Variants in HPCAL1 observed in about 807,000 individuals in gnomAD.
HPCAL1 encodes hippocalcin-like protein 1.
Under a neutral mutation model 17.1 loss-of-function variants are expected in HPCAL1, and 8 were observed. That is an observed-to-expected ratio of 0.47 (90% confidence interval 0.27 to 0.84). The LOEUF (loss-of-function observed/expected upper bound fraction) is 0.84, where lower values mean the gene tolerates loss of function less well. HPCAL1 is among the 40% of genes least tolerant of loss of function. The pLI is 0.13. For missense variants in HPCAL1, 165 were observed against 271.1 expected (o/e 0.61, Z 2.75); for synonymous variants, 112 against 111.4 (o/e 1.01, Z -0.03).
At chr2:10,401,169 C>T (rs1019680132) in intron 2 of HPCAL1, among the ~76,000 whole-genome samples, 7 of 152,146 alleles carry the variant, frequency 4.6e-5, no homozygotes, top group Non-Finnish European at 1.0e-4. Flanking sequence ...CAGCCAGGCT[C>T]CTCCCCACCC....
chr2:10,337,563 G>T (rs1448803158), intron 1 of HPCAL1, among the ~76,000 whole-genome samples: 3 of 152,106 alleles, frequency 2.0e-5, no homozygotes, highest in Admixed American at 6.6e-5. Flanking sequence ...CAGCCTCCCT[G>T]TGGGGTTGCA....
chr2:10,419,643 C>A lies in HPCAL1; in HGVS notation c.-24-91C>A. ...GAGTTGCTGAGTCGCAGCGCTTGCA[C>A]AGCGATGGGCTTATTTGGTCTCTCC... On this transcript the variant is annotated intron_variant, in intron 2 of 4. Coordinates refer to ENST00000307845, the MANE Select transcript of HPCAL1 (RefSeq NM_002149.4). The surrounding 1 kb of genome is among the most constrained non-coding windows in gnomAD (Gnocchi z 5.0). 1 of 1,296,226 alleles carries A rather than the reference C, an allele frequency of 7.7e-7. No homozygotes were observed. 80.3% of individuals were successfully genotyped at this position (1,296,226 alleles called of 1,614,324 possible).
In HPCAL1 at chr2:10,359,432, T is replaced by A. The variant is rs1045028786; in HGVS notation, c.-110-37403T>A. Among the ~76,000 whole-genome samples, 1 of 152,236 alleles carries A rather than the reference T, an allele frequency of 6.6e-6. No homozygotes were observed. Among genetic ancestry groups the A allele is most frequent in the East Asian group, 1.9e-4 (1 of 5,198 alleles). On this transcript the variant is annotated intron_variant, in intron 1 of 4. Coordinates refer to ENST00000307845, the MANE Select transcript of HPCAL1 (RefSeq NM_002149.4). The surrounding 1 kb of genome is among the most constrained non-coding windows in gnomAD (Gnocchi z 4.1). ...AGATTAAGAAGTTGAGATGTCTTTG[T>A]TCCCAGAGGAAAGTCCCTGCAGGCC...
At position 10,383,328 on chromosome 2, in the gene HPCAL1, C is replaced by T. The variant is rs181944410; in HGVS notation, c.-110-13507C>T. Among the ~76,000 whole-genome samples the T allele has an allele frequency of 1.9e-3, 284 of 152,112 alleles. 1 individual carries two copies. The highest frequency in any genetic ancestry group is 6.4e-3 in the African/African-American group (267 of 41,536). ...TTGAGGCTGCAGTGAGCCAAGATCG[C>T]GCCACTGTGCTCCAGCCTGGGTGAC... On this transcript the variant is annotated intron_variant, in intron 1 of 4. Transcript: ENST00000307845.
rs1663832481 is a variant in HPCAL1, at chr2:10,323,978, C to G, written c.-111+20801C>G. The stretch of plus-strand genomic sequence containing the variant: ...CACCATGCAAAAGCTCTTGTCATTT[C>G]AGAAAAGGAAGGAGAATTAAGTAAA... On this transcript the variant is annotated intron_variant, in intron 1 of 4. Transcript: ENST00000307845. This position sits in a 1 kb window ranked among gnomAD's most constrained non-coding sequence, Gnocchi z 4.6. Among the ~76,000 whole-genome samples, 1 of 152,174 alleles carries G rather than the reference C, an allele frequency of 6.6e-6. No homozygotes were observed. The highest frequency in any genetic ancestry group is 1.9e-4 in the East Asian group (1 of 5,196).
chr2:10,384,209 G>A lies in HPCAL1; in HGVS notation c.-110-12626G>A, dbSNP rs1275396003. Among the ~76,000 whole-genome samples, 1 of 152,128 alleles carries A rather than the reference G, an allele frequency of 6.6e-6. No homozygotes were observed. Among genetic ancestry groups the A allele is most frequent in the Admixed American group, 6.5e-5 (1 of 15,282 alleles). On this transcript the variant is annotated intron_variant, in intron 1 of 4. Coordinates refer to ENST00000307845, the MANE Select transcript of HPCAL1 (RefSeq NM_002149.4). This position sits in a 1 kb window ranked among gnomAD's most constrained non-coding sequence, Gnocchi z 4.4. ...GACAAGGTGAGGGAGGTGGCGGCCC[G>A]GCAGGAAGGTCATTTCTTTCTTCAG...
At chr2:10,316,685 C>T (rs1444669098) in intron 1 of HPCAL1, among the ~76,000 whole-genome samples, 1 of 152,186 alleles carries the variant, frequency 6.6e-6, no homozygotes, top group Non-Finnish European at 1.5e-5. Context: ...CCAGGGTGAA[C>T]AAAGGAGAGG....
At chr2:10,319,724 G>A (rs1663553140) in intron 1 of HPCAL1, among the ~76,000 whole-genome samples, 1 of 151,816 alleles carries the variant, frequency 6.6e-6, no homozygotes, top group South Asian at 2.1e-4. Context: ...GCCCCTTGGT[G>A]GAGCTCCCAT....
At chr2:10,319,340 C>G (rs186226767) in intron 1 of HPCAL1, among the ~76,000 whole-genome samples, 95 of 152,266 alleles carry the variant, frequency 6.2e-4, no homozygotes, top group African/African-American at 2.2e-3. Flanking sequence ...TGAAGGAAGC[C>G]CCCGTGCCTG....
chr2:10,345,994 T>TG (rs1464301178), intron 1 of HPCAL1, among the ~76,000 whole-genome samples: 2 of 152,060 alleles, frequency 1.3e-5, no homozygotes, highest in African/African-American at 4.8e-5. Context: ...TGGGAATAAG[T>TG]GGAAGTGTGA....
chr2:10,303,314 C>G (rs1190728514), intron 1 of HPCAL1, 137 bp downstream of exon 1: 1 of 152,702 alleles, frequency 6.5e-6, no homozygotes, highest in African/African-American at 2.4e-5. Flanking sequence ...TCCGGGAGTG[C>G]CCGCGTTTCT....
chr2:10,399,988 TCAA>T (rs1309738962), intron 2 of HPCAL1, among the ~76,000 whole-genome samples: 1 of 152,106 alleles, frequency 6.6e-6, no homozygotes, highest in Non-Finnish European at 1.5e-5. Context: ...GACAGTGAAC[TCAA>T]CAAAACAGAA....
chr2:10,321,240 C>T (rs1009317156), intron 1 of HPCAL1, among the ~76,000 whole-genome samples: 3 of 152,146 alleles, frequency 2.0e-5, no homozygotes, highest in Non-Finnish European at 4.4e-5. Flanking sequence ...ACAACCAGAT[C>T]TTGTGAGAAC....
At chr2:10,355,494 G>GACAGCC (rs1198511787) in intron 1 of HPCAL1, among the ~76,000 whole-genome samples, 1 of 147,130 alleles carries the variant, frequency 6.8e-6, no homozygotes, top group Non-Finnish European at 1.5e-5. Flanking sequence ...AGTTTAACGG[G>GACAGCC]ACAGCCACAC....
chr2:10,415,522 A>C (rs1670603317), intron 2 of HPCAL1, among the ~76,000 whole-genome samples: 2 of 150,132 alleles, frequency 1.3e-5, no homozygotes, highest in African/African-American at 2.5e-5. Flanking sequence ...TCTCCTTCTC[A>C]CCCCCGTGCT....
At chr2:10,412,124 C>T (rs1385454004) in intron 2 of HPCAL1, among the ~76,000 whole-genome samples, 4 of 152,196 alleles carry the variant, frequency 2.6e-5, no homozygotes, top group Non-Finnish European at 4.4e-5. Context: ...GGGATGTCAC[C>T]GCAGGAGACG....
intron 1 of HPCAL1, among the ~76,000 whole-genome samples, chr2:10,341,737 T>C (rs1665098001): frequency 1.3e-5 from 2 of 152,128 alleles, no homozygotes; most frequent in Admixed American, 1.3e-4. Context: ...GAGTGGGCAT[T>C]GGCTGGGTCC....
At chr2:10,381,352 C>T (rs1667931076) in intron 1 of HPCAL1, among the ~76,000 whole-genome samples, 1 of 152,234 alleles carries the variant, frequency 6.6e-6, no homozygotes, top group South Asian at 2.1e-4. Context: ...TCCCTTCCCG[C>T]TGTGTGGCTC....
intron 1 of HPCAL1, among the ~76,000 whole-genome samples, chr2:10,390,988 CTTG>C (rs947395800): frequency 1.2e-4 from 19 of 152,208 alleles, no homozygotes; most frequent in African/African-American, 4.6e-4. Flanking sequence ...GGATCACCTT[CTTG>C]AAGGCAGAGA....
Sources: gnomAD v4.1 joint callset for allele counts (sites outside exome capture counted in the v4.1 genomes callset) on GRCh38, gnomAD v4.1.1 for gene constraint, Gnocchi (gnomAD v3.1) non-coding constraint, MANE v1.5 for transcripts, NCBI Gene and HGNC (gene_info 2026-07-23, HGNC 2026-07-21) for gene names.